The following MYOM1 variants were observed in gnomAD, a reference collection of about 807,000 sequenced individuals.
MYOM1 encodes myomesin 1.
A neutral mutation model predicts 205.3 loss-of-function variants in MYOM1; 164 were observed. The observed-to-expected ratio is 0.80, with a 90% CI of 0.70 to 0.91. MYOM1 has a LOEUF of 0.91. Ranked by LOEUF, MYOM1 falls within the 40% of genes least tolerant of loss-of-function variation. MYOM1 has a pLI of 0.00. For missense variants in MYOM1, 2,011 were observed against 2,127.3 expected (o/e 0.95, Z 1.08); for synonymous variants, 772 against 789.4 (o/e 0.98, Z 0.37).
intron 8 of MYOM1, among the ~76,000 whole-genome samples, chr18:3,172,754 A>C (rs1157100136): frequency 6.6e-6 from 1 of 152,034 alleles, no homozygotes; most frequent in African/African-American, 2.4e-5. Context: ...CAGGTGATCC[A>C]CCCACCTCCG....
the MYOM1 span, among the ~76,000 whole-genome samples, chr18:3,236,030 TAGG>T: frequency 6.6e-6 from 1 of 152,046 alleles, no homozygotes; most frequent in Non-Finnish European, 1.5e-5. Context: ...GGGCAGGAAG[TAGG>T]AGAAGAGGGT....
At position 3,090,215 on chromosome 18, in the gene MYOM1, G is replaced by T. The variant is rs182670978; in HGVS notation, c.4009+443C>A. The stretch of plus-strand genomic sequence containing the variant: ...CCATGTAAAGTATTAACTGAAAACT[G>T]TATTTTTTTTTTTTTTTTTTTTGAG... On this transcript the variant is annotated intron_variant, in intron 27 of 37. Coordinates refer to ENST00000356443, the MANE Select transcript of MYOM1 (RefSeq NM_003803.4). Among the ~76,000 whole-genome samples, 53 of 121,836 alleles carry T rather than the reference G, an allele frequency of 4.4e-4. 2 individuals are homozygous for T. In the East Asian group the frequency reaches 0.012, roughly 27 times the overall value. The allele number at this position is 121,836 out of a possible 152,430, so 79.9% of individuals were successfully genotyped here. A position where few individuals can be genotyped will look rare whatever the true frequency, so the allele number is the denominator to read the frequency against.
chr18:3,104,947 C>T (rs1163564338), intron 22 of MYOM1, among the ~76,000 whole-genome samples: 3 of 151,962 alleles, frequency 2.0e-5, no homozygotes, highest in Admixed American at 1.3e-4. Context: ...CAGGCTTTTG[C>T]CATGTTGGCC....
chr18:3,225,791 CCT>C, the MYOM1 span, among the ~76,000 whole-genome samples: 1 of 152,202 alleles, frequency 6.6e-6, no homozygotes, highest in Non-Finnish European at 1.5e-5. Context: ...CCTTCTTCCC[CCT>C]CTCTGGTTAA....
At chr18:3,131,179 T>C (rs2079870300) in intron 17 of MYOM1, among the ~76,000 whole-genome samples, 196 bp downstream of exon 17, 1 of 152,208 alleles carries the variant, frequency 6.6e-6, no homozygotes, top group South Asian at 2.1e-4. Flanking sequence ...GCACAGAATC[T>C]GGATAAGTGA....
chr18:3,207,123 C>T (rs1052791401), intron 2 of MYOM1, among the ~76,000 whole-genome samples: 1 of 151,970 alleles, frequency 6.6e-6, no homozygotes, highest in African/African-American at 2.4e-5. Flanking sequence ...TTTTCAGTAA[C>T]TTTACACAGT....
chr18:3,125,240 C>T (rs537277479), intron 19 of MYOM1, among the ~76,000 whole-genome samples: 1 of 152,162 alleles, frequency 6.6e-6, no homozygotes, highest in East Asian at 1.9e-4. Context: ...TAGGTGATCA[C>T]CCAGAGAAAC....
At position 3,135,867 on chromosome 18, in the gene MYOM1, G is replaced by A; in HGVS notation, c.2026-137C>T. ...GCTGGACTGGAGGAGAGATGAGGAGGAAATAGGGGATGAGGCATCTGAAGT... is the reference window on the plus strand; with the variant it reads ...GCTGGACTGGAGGAGAGATGAGGAGAAAATAGGGGATGAGGCATCTGAAGT... On this transcript the variant is annotated intron_variant, in intron 14 of 37. Transcript: ENST00000356443. This position sits in a 1 kb window ranked among gnomAD's most constrained non-coding sequence, Gnocchi z 4.1. 1 of 924,956 alleles carries A rather than the reference G, an allele frequency of 1.1e-6. No homozygotes were observed. Among genetic ancestry groups the A allele is most frequent in the African/African-American group, 1.7e-5 (1 of 60,180 alleles). The allele number at this position is 924,956 out of a possible 1,614,324, so 57.3% of individuals were successfully genotyped here. A position where few individuals can be genotyped will look rare whatever the true frequency, so the allele number is the denominator to read the frequency against.
chr18:3,140,700 G>C (rs1223164088), intron 14 of MYOM1, among the ~76,000 whole-genome samples: 1 of 152,022 alleles, frequency 6.6e-6, no homozygotes, highest in African/African-American at 2.4e-5. Flanking sequence ...TAATTATCAG[G>C]GAAGGTGACC....
At chr18:3,100,908 T>G (rs1291001920) in intron 23 of MYOM1, among the ~76,000 whole-genome samples, 1 of 152,236 alleles carries the variant, frequency 6.6e-6, no homozygotes, top group Non-Finnish European at 1.5e-5. Flanking sequence ...AGACAGGAAC[T>G]GCTTTGTTTA....
intron 2 of MYOM1, among the ~76,000 whole-genome samples, chr18:3,214,661 T>C (rs1261358877): frequency 6.6e-6 from 1 of 151,894 alleles, no homozygotes; most frequent in Non-Finnish European, 1.5e-5. Flanking sequence ...CTGTCTCCAC[T>C]AAAAACACGA....
At chr18:3,126,964 C>T in intron 18 of MYOM1, 67 bp from the exon 19 acceptor site, 1 of 1,407,556 alleles carries the variant, frequency 7.1e-7, no homozygotes. Flanking sequence ...TAAACATTTC[C>T]ATGGGTGCCA....
intron 29 of MYOM1, 87 bp downstream of exon 29, chr18:3,089,087 G>T: frequency 2.3e-6 from 2 of 851,956 alleles, no homozygotes; most frequent in Non-Finnish European, 1.9e-6. Flanking sequence ...TGGCTCAGAT[G>T]GAAGAGATGA....
intron 2 of MYOM1, among the ~76,000 whole-genome samples, chr18:3,203,755 A>C (rs1358661734): frequency 6.6e-6 from 1 of 151,672 alleles, no homozygotes; most frequent in African/African-American, 2.4e-5. Flanking sequence ...AAAATAGAGA[A>C]GGGAACACTT....
At position 3,075,505 on chromosome 18, in the gene MYOM1, C is replaced by CAAA. The variant is rs10667835; in HGVS notation, c.4686-30_4686-29insTTT. The CAAA allele has an allele frequency of 0.99, 1,601,478 of 1,611,736 alleles. 795,660 individuals are homozygous for CAAA. Among genetic ancestry groups the CAAA allele is most frequent in the East Asian group, 1 (44,843 of 44,844 alleles). On this transcript the variant is annotated intron_variant, in intron 35 of 37. Transcript: ENST00000356443. ...TGGTTGAGAGAAACGAACAAACAGA[C>CAAA]GAAGAATTTTGTGTTAGTGTTACTT... is the stretch of plus-strand genomic sequence containing the variant.
At chr18:3,244,171 T>C in the MYOM1 span, among the ~76,000 whole-genome samples, 6 of 152,072 alleles carry the variant, frequency 3.9e-5, no homozygotes, top group Non-Finnish European at 8.8e-5. Context: ...TCTGTCCCGT[T>C]TGTGAAAAGC....
At chr18:3,075,856 G>T (rs758433260) in intron 34 of MYOM1, 95 bp from the exon 35 acceptor site, 1 of 1,131,478 alleles carries the variant, frequency 8.8e-7, no homozygotes, top group Non-Finnish European at 1.3e-6. Flanking sequence ...GCTGTGATCG[G>T]TCCAGACATG....
chr18:3,071,050 T>C (rs1177614087), intron 37 of MYOM1, among the ~76,000 whole-genome samples: 2 of 152,060 alleles, frequency 1.3e-5, no homozygotes, highest in Admixed American at 1.3e-4. Context: ...TGAGCCACTG[T>C]GCCCGGCCTA....
intron 37 of MYOM1, among the ~76,000 whole-genome samples, chr18:3,068,913 T>C (rs561846410): frequency 6.6e-6 from 1 of 152,022 alleles, no homozygotes; most frequent in South Asian, 2.1e-4. Flanking sequence ...GATAAATGCA[T>C]GTTTCATTTT....
Sources: gnomAD v4.1 joint callset for allele counts (sites outside exome capture counted in the v4.1 genomes callset) on GRCh38, gnomAD v4.1.1 for gene constraint, Gnocchi (gnomAD v3.1) non-coding constraint, MANE v1.5 for transcripts, NCBI Gene and HGNC (gene_info 2026-07-23, HGNC 2026-07-21) for gene names.